The following METTL9 variants were observed in gnomAD, a reference collection of about 807,000 sequenced individuals.
METTL9 encodes protein-L-histidine N-pros-methyltransferase.
A neutral mutation model predicts 36.0 loss-of-function variants in METTL9; 10 were observed. The ratio of observed to expected loss-of-function variants is 0.28; its 90% CI spans 0.17 to 0.47. METTL9 has a LOEUF of 0.47. Among genes scored for constraint, METTL9 ranks in the 20% least tolerant of loss-of-function variants. The probability of loss-of-function intolerance (pLI) is 0.99; values close to 1 mark genes in which losing one functional copy is unlikely to be tolerated. For synonymous variants in METTL9, 175 were observed against 149.7 expected (o/e 1.17, Z -1.23); for missense variants, 246 against 383.5 (o/e 0.64, Z 3.00).
At chr16:21,628,354 C>T (rs1023021330) in intron 4 of METTL9, among the ~76,000 whole-genome samples, 1 of 152,166 alleles carries the variant, frequency 6.6e-6, no homozygotes, top group South Asian at 2.1e-4. Context: ...CCATTTTCTT[C>T]TCCAAGCTGG....
intron 2 of METTL9, 25 bp from the exon 3 acceptor site, chr16:21,617,840 C>A (rs762916617): frequency 3.1e-6 from 5 of 1,604,560 alleles, no homozygotes; most frequent in African/African-American, 1.3e-5. Flanking sequence ...TAGACACTTC[C>A]ATTTTTGTCC....
rs1211852241 is a variant in METTL9, at chr16:21,613,666, TAGTC to T, written c.356+834_356+837del. 1.1e-4 allele frequency among the ~76,000 whole-genome samples: 17 copies of T among 152,212 alleles called. No individual in the cohort carries two copies. The South Asian group carries it at 2.1e-3, about 19-fold the overall frequency. On this transcript the variant is annotated intron_variant, in intron 2 of 4. Coordinates refer to ENST00000358154, the MANE Select transcript of METTL9 (RefSeq NM_016025.5). ...GCAAATTTTTTTTGGGAGATATAAT[TAGTC>T]AGCCCAACAGTGGATGATGGCTTAT...
chr16:21,629,246 C>A (rs146519147), intron 4 of METTL9, among the ~76,000 whole-genome samples: 2,378 of 152,148 alleles, frequency 0.016, 28 homozygotes, highest in Middle Eastern at 0.048. Context: ...CCCCCACCCC[C>A]CATCGTGATG....
chr16:21,619,915 CAT>C (rs1208585622), intron 3 of METTL9, among the ~76,000 whole-genome samples: 1 of 152,186 alleles, frequency 6.6e-6, no homozygotes, highest in Non-Finnish European at 1.5e-5. Flanking sequence ...TTCCTATCCA[CAT>C]GTTTCTACTT....
chr16:21,637,987 T>C (rs1966148647), intron 4 of METTL9, among the ~76,000 whole-genome samples: 1 of 152,232 alleles, frequency 6.6e-6, no homozygotes, highest in Admixed American at 6.5e-5. Flanking sequence ...TATTAATTCT[T>C]TTTTAATTGT....
chr16:21,600,610 G>A (rs981717707), intron 1 of METTL9, among the ~76,000 whole-genome samples: 2 of 152,192 alleles, frequency 1.3e-5, no homozygotes, highest in Admixed American at 6.5e-5. Flanking sequence ...TTTTAAAACA[G>A]AACGGGACGG....
At chr16:21,645,767 A>C (rs1216846257) in intron 4 of METTL9, among the ~76,000 whole-genome samples, 2 of 152,214 alleles carry the variant, frequency 1.3e-5, no homozygotes, top group East Asian at 1.9e-4. Context: ...GAGACATACA[A>C]ATCTCTAAAG....
chr16:21,644,319 C>T, intron 4 of METTL9: 2 of 1,613,822 alleles, frequency 1.2e-6, no homozygotes, highest in South Asian at 1.1e-5. Flanking sequence ...GCCACGCACA[C>T]ACCGGTCACA....
chr16:21,641,538 G>A, intron 4 of METTL9: 1 of 1,576,922 alleles, frequency 6.3e-7, no homozygotes, highest in Non-Finnish European at 8.7e-7. Flanking sequence ...ACGTTTCTAT[G>A]GCCTTTCATA....
chr16:21,647,104 T>G, intron 4 of METTL9: 2 of 1,613,982 alleles, frequency 1.2e-6, no homozygotes, highest in Non-Finnish European at 1.7e-6. Context: ...GATGCAATGA[T>G]GCACTGAAAT....
At position 21,630,449 on chromosome 16, in the gene METTL9, G is replaced by A. The variant is rs372952719; in HGVS notation, c.751+5334G>A. ...CTCCTCGAGCACAGCCAGAGCCGAC[G>A]CCGTGGCCGAGGGGGCGCCGAGAGC... On this transcript the variant is annotated intron_variant, in intron 4 of 4. Coordinates refer to ENST00000358154, the MANE Select transcript of METTL9 (RefSeq NM_016025.5). Among the ~76,000 whole-genome samples the A allele has an allele frequency of 3.9e-5, 6 of 152,350 alleles. No individual in the cohort carries two copies. In the South Asian group the frequency reaches 6.2e-4, roughly 16 times the overall value.
intron 4 of METTL9, among the ~76,000 whole-genome samples, chr16:21,625,937 G>A (rs974879973): frequency 5.9e-5 from 9 of 151,882 alleles, no homozygotes; most frequent in South Asian, 2.1e-4. Context: ...TTGCTCTGTC[G>A]CCCAGGCTGG....
intron 1 of METTL9, among the ~76,000 whole-genome samples, chr16:21,605,095 G>A (rs888595473): frequency 1.3e-5 from 2 of 151,898 alleles, no homozygotes; most frequent in African/African-American, 4.8e-5. Context: ...AAGTGAGGGT[G>A]AGAGAGAGAA....
intron 3 of METTL9, among the ~76,000 whole-genome samples, chr16:21,621,087 A>C (rs868638656): frequency 1.3e-5 from 2 of 152,046 alleles, no homozygotes; most frequent in South Asian, 2.1e-4. Context: ...CTCTCACCTC[A>C]GCCTCCTCAG....
At chr16:21,600,981 ATG>A (rs1965109422) in intron 1 of METTL9, among the ~76,000 whole-genome samples, 1 of 152,112 alleles carries the variant, frequency 6.6e-6, no homozygotes, top group African/African-American at 2.4e-5. Context: ...GGTTGATTTC[ATG>A]TGTTTTAATG....
chr16:21,630,299 C>T lies in METTL9; in HGVS notation c.751+5184C>T, dbSNP rs571715336. ...GGGGCCTGCCGAGCCTGCGCCCACC[C>T]GGAACCCACGCTGGCTCCCGCCTGC... On this transcript the variant is annotated intron_variant, in intron 4 of 4. Coordinates refer to ENST00000358154, the MANE Select transcript of METTL9 (RefSeq NM_016025.5). Among the ~76,000 whole-genome samples, 11 of 152,344 alleles carry T rather than the reference C, an allele frequency of 7.2e-5. No individual in the cohort carries two copies. The South Asian group carries it at 1.0e-3, about 14-fold the overall frequency.
intron 4 of METTL9, among the ~76,000 whole-genome samples, chr16:21,633,219 TAA>T (rs917805783): frequency 1.3e-5 from 2 of 152,182 alleles, no homozygotes; most frequent in Middle Eastern, 3.2e-3. Flanking sequence ...TCCCTCTGGC[TAA>T]GATTAGGTCT....
At chr16:21,621,357 C>T (rs934423679) in intron 3 of METTL9, among the ~76,000 whole-genome samples, 1 of 151,108 alleles carries the variant, frequency 6.6e-6, no homozygotes, top group Non-Finnish European at 1.5e-5. Flanking sequence ...GACAAAGTCT[C>T]GCTCCATCAC....
rs557562009 is a variant in METTL9, at chr16:21,609,102, T to C, written c.166-3543T>C. Among the ~76,000 whole-genome samples the C allele has an allele frequency of 3.3e-5, 5 of 152,306 alleles. No homozygotes were observed. In the South Asian group the frequency reaches 1.0e-3, roughly 32 times the overall value. ...CTCAGTTGGTGTCTTCCTTCATTGC[T>C]TGCTTCCTTGCTTGTGGTAATGCAA... On this transcript the variant is annotated intron_variant, in intron 1 of 4. Transcript: ENST00000358154.
Sources: allele counts gnomAD v4.1 joint callset (sites outside exome capture counted in the v4.1 genomes callset), GRCh38; gene constraint gnomAD v4.1.1; transcripts MANE v1.5; gene names NCBI Gene and HGNC (gene_info 2026-07-23, HGNC 2026-07-21).